The following RBM47 variants were observed in gnomAD, a reference collection of about 807,000 sequenced individuals.
RBM47 encodes the protein RNA binding motif protein 47.
In RBM47, 21 loss-of-function variants were observed where a neutral mutation model predicts 47.1. The observed-to-expected ratio is 0.45, with a 90% CI of 0.32 to 0.64. The LOEUF (loss-of-function observed/expected upper bound fraction) is 0.64. RBM47 is among the 30% of genes least tolerant of loss of function. The probability of loss-of-function intolerance (pLI) is 0.05; values close to 1 mark genes in which losing one functional copy is unlikely to be tolerated. For synonymous variants in RBM47, 375 were observed against 361.7 expected (o/e 1.04, Z -0.42); for missense variants, 708 against 870.9 (o/e 0.81, Z 2.35).
At chr4:40,527,600 T>C (rs891193881) in intron 2 of RBM47, among the ~76,000 whole-genome samples, 1 of 151,494 alleles carries the variant, frequency 6.6e-6, no homozygotes. Flanking sequence ...CTAACTTTTG[T>C]ATTTTTAGTA....
At chr4:40,556,901 T>C (rs1388892361) in intron 1 of RBM47, among the ~76,000 whole-genome samples, 2 of 148,744 alleles carry the variant, frequency 1.3e-5, no homozygotes, top group Middle Eastern at 3.4e-3. Context: ...AAAAAATATA[T>C]ATATATACAT....
At chr4:40,429,644 C>T (rs1715588810) in intron 6 of RBM47, among the ~76,000 whole-genome samples, 1 of 142,706 alleles carries the variant, frequency 7.0e-6, no homozygotes, top group South Asian at 2.3e-4. Flanking sequence ...AGCTGAGATC[C>T]CGCCACTGCA....
chr4:40,501,687 G>A (rs1426708824), intron 2 of RBM47, among the ~76,000 whole-genome samples: 1 of 152,238 alleles, frequency 6.6e-6, no homozygotes, highest in Admixed American at 6.5e-5. Flanking sequence ...AGAAGAATGA[G>A]AGATTTGGGG....
chr4:40,526,408 G>T (rs139418631), intron 2 of RBM47, among the ~76,000 whole-genome samples: 1 of 148,486 alleles, frequency 6.7e-6, no homozygotes, highest in South Asian at 2.1e-4. Flanking sequence ...TTCAGAAAAC[G>T]ATTGGCCTTA....
chr4:40,610,357 T>C (rs1012573816), intron 1 of RBM47, among the ~76,000 whole-genome samples: 2 of 151,386 alleles, frequency 1.3e-5, no homozygotes, highest in Non-Finnish European at 2.9e-5. Context: ...GCGCGGTGGC[T>C]CATGCCTGTA....
At chr4:40,474,333 C>T (rs749230241) in intron 2 of RBM47, among the ~76,000 whole-genome samples, 5 of 152,162 alleles carry the variant, frequency 3.3e-5, no homozygotes, top group Non-Finnish European at 7.4e-5. Context: ...ATAGTTAACA[C>T]TGTGACTGTT....
chr4:40,511,351 C>T (rs917737623), intron 2 of RBM47, among the ~76,000 whole-genome samples: 1 of 152,202 alleles, frequency 6.6e-6, no homozygotes, highest in African/African-American at 2.4e-5. Context: ...ATTTCAGCCT[C>T]ATGACATTTT....
intron 2 of RBM47, among the ~76,000 whole-genome samples, chr4:40,502,295 T>C (rs1560425130): frequency 6.6e-6 from 1 of 152,174 alleles, no homozygotes; most frequent in Non-Finnish European, 1.5e-5. Context: ...GCAAATTTGT[T>C]TGATGTGTCC....
intron 3 of RBM47, among the ~76,000 whole-genome samples, chr4:40,444,546 C>G (rs1188739736): frequency 2.0e-5 from 3 of 152,124 alleles, no homozygotes; most frequent in African/African-American, 7.2e-5. Context: ...GCTCTGTTGA[C>G]CCCTGGTCTA....
intron 2 of RBM47, among the ~76,000 whole-genome samples, chr4:40,523,177 G>A (rs1436613480): frequency 1.3e-5 from 2 of 151,830 alleles, no homozygotes; most frequent in East Asian, 1.9e-4. Flanking sequence ...ATGTTGGCCA[G>A]GCTGGTCTTG....
chr4:40,460,990 T>C (rs182583292), intron 3 of RBM47, among the ~76,000 whole-genome samples: 177 of 151,476 alleles, frequency 1.2e-3, no homozygotes, highest in African/African-American at 3.8e-3. Flanking sequence ...TTAGAGACAA[T>C]TGGAAATTCT....
At chr4:40,533,956 C>T (rs1412108170) in intron 2 of RBM47, among the ~76,000 whole-genome samples, 1 of 151,894 alleles carries the variant, frequency 6.6e-6, no homozygotes, top group African/African-American at 2.4e-5. Context: ...GCTGGGATTA[C>T]AGGCATGCAC....
intron 1 of RBM47, among the ~76,000 whole-genome samples, chr4:40,602,681 CAA>C (rs1257551235): frequency 6.6e-6 from 1 of 150,570 alleles, no homozygotes; most frequent in Non-Finnish European, 1.5e-5. Context: ...TCATAAATCT[CAA>C]GACAACTAGC....
chr4:40,549,902 C>G (rs1729400315), intron 1 of RBM47, among the ~76,000 whole-genome samples: 1 of 151,728 alleles, frequency 6.6e-6, no homozygotes, highest in Non-Finnish European at 1.5e-5. Flanking sequence ...GAACTCCTGA[C>G]CTTGTGATCC....
At position 40,438,415 on chromosome 4, in the gene RBM47, T is replaced by C; in HGVS notation, c.479A>G (p.Lys160Arg). Residue 160 changes from lysine (K) to arginine (R), a missense_variant, in exon 4 of 7, where the codon AAG becomes AGG. Lys to Arg is a conservative substitution (Grantham distance 26, BLOSUM62 2). Transcript: ENST00000295971. ...NCRLFIGGIP[K>R]MKKREEILEE... The stretch of plus-strand genomic sequence containing the variant: ...CAGGATTTCCTCGCGCTTCTTCATC[T>C]TGGGGATCCCGCCGATGAAGAGGCG... 1 of 1,613,376 alleles carries C rather than the reference T, an allele frequency of 6.2e-7. No individual in the cohort carries two copies. Among genetic ancestry groups the C allele is most frequent in the Non-Finnish European group, 8.5e-7 (1 of 1,179,976 alleles).
chr4:40,447,096 A>T (rs1050598307), intron 3 of RBM47, among the ~76,000 whole-genome samples: 6 of 152,326 alleles, frequency 3.9e-5, no homozygotes, highest in Admixed American at 3.9e-4. Flanking sequence ...GCCACATTGG[A>T]TGCAAAATGT....
chr4:40,546,483 G>C (rs1169699535), intron 1 of RBM47, among the ~76,000 whole-genome samples: 5 of 152,114 alleles, frequency 3.3e-5, no homozygotes, highest in Non-Finnish European at 7.4e-5. Context: ...TTATACTACT[G>C]TTCCACCAAG....
chr4:40,433,389 C>G (rs1404986892), intron 5 of RBM47, among the ~76,000 whole-genome samples: 1 of 152,172 alleles, frequency 6.6e-6, no homozygotes, highest in Non-Finnish European at 1.5e-5. Context: ...CAGGTAACTC[C>G]CCCTGCCTGT....
At chr4:40,476,947 A>G (rs1719693860) in intron 2 of RBM47, among the ~76,000 whole-genome samples, 3 of 152,202 alleles carry the variant, frequency 2.0e-5, no homozygotes, top group Admixed American at 2.0e-4. Flanking sequence ...TAAAAAGACC[A>G]GAATGGGCCG....
Sources: allele counts gnomAD v4.1 joint callset (sites outside exome capture counted in the v4.1 genomes callset), GRCh38; gene constraint gnomAD v4.1.1; transcripts MANE v1.5; gene names NCBI Gene and HGNC (gene_info 2026-07-23, HGNC 2026-07-21).